The following GRTP1 variants were observed in gnomAD, a reference collection of about 807,000 sequenced individuals.
GRTP1 encodes growth hormone regulated TBC protein 1, also known as growth hormone-regulated TBC protein 1.
A neutral mutation model predicts 38.1 loss-of-function variants in GRTP1; 56 were observed. The observed-to-expected ratio is 1.47, with a 90% confidence interval of 1.19 to 1.84. The LOEUF (loss-of-function observed/expected upper bound fraction) is 1.84, where lower values mean the gene tolerates loss of function less well. Ranked by LOEUF, GRTP1 falls within the 40% of genes most tolerant of loss-of-function variation. GRTP1 has a pLI of 0.00. For missense variants in GRTP1, 506 were observed against 453.9 expected (o/e 1.11, Z -1.04); for synonymous variants, 217 against 189.5 (o/e 1.14, Z -1.19).
chr13:113,325,046 T>C (rs772137108), intron 7 of GRTP1: 2 of 866,516 alleles, frequency 2.3e-6, no homozygotes, highest in Non-Finnish European at 2.8e-6. Flanking sequence ...GCCAGGCTGG[T>C]CTTGAACTCC....
rs1171694283 is a variant in GRTP1 at position 113,326,169 on chromosome 13, AAG to A, written c.563-80_563-79del. The A allele has an allele frequency of 6.4e-6, 10 of 1,554,206 alleles. No homozygotes were observed. The East Asian group carries it at 2.0e-4, about 32-fold the overall frequency. On this transcript the variant is annotated intron_variant, in intron 5 of 7. Coordinates refer to ENST00000375431, the MANE Select transcript of GRTP1 (RefSeq NM_024719.4). The stretch of plus-strand genomic sequence containing the variant: ...GCCCCATTCCCCTCAGAGCCAGACA[AAG>A]ACAACAGGGCCACCCTGGGAGGACC...
chr13:113,352,700 T>C (rs887434104), intron 3 of GRTP1, among the ~76,000 whole-genome samples: 10 of 152,200 alleles, frequency 6.6e-5, no homozygotes, highest in Non-Finnish European at 1.3e-4. Flanking sequence ...GATAACATCC[T>C]GTGGGAAAGG....
intron 4 of GRTP1, among the ~76,000 whole-genome samples, chr13:113,346,280 GGCTGAGCGGATCTGGGAGGA>G (rs2043130023): frequency 1.7e-5 from 1 of 58,126 alleles, no homozygotes; most frequent in Non-Finnish European, 3.2e-5. Context: ...GGACCTCTGT[GGCTGAGCGGATCTGGGAGGA>G]CCTCTGTGGC....
chr13:113,326,399 G>A (rs938865703), intron 5 of GRTP1, among the ~76,000 whole-genome samples: 4 of 137,204 alleles, frequency 2.9e-5, no homozygotes, highest in East Asian at 4.6e-4. Context: ...GGGCGGGAGC[G>A]TGGCTCACAC....
intron 3 of GRTP1, 156 bp from the exon 4 acceptor site, chr13:113,351,129 A>C: frequency 2.6e-6 from 1 of 380,244 alleles, no homozygotes; most frequent in Non-Finnish European, 3.6e-6. Flanking sequence ...CCAGAGCGAC[A>C]GGCTCACTGG....
Position 113,355,375 on chromosome 13 carries a change from G to C in GRTP1, c.288C>G (p.His96Gln). The C allele has an allele frequency of 6.2e-7, 1 of 1,614,144 alleles. No homozygotes were observed. The highest frequency in any genetic ancestry group is 1.1e-5 in the South Asian group (1 of 91,086). The change falls in exon 3 of 8, where the codon CAC becomes CAG. Residue 96 changes from histidine to glutamine, a missense_variant. Transcript: ENST00000375431. ...AQMDQNPGYY[H>Q]QLLQGERNPR... The stretch of plus-strand genomic sequence containing the variant: ...GGTTTCTCTCTCCCTGGAGAAGCTG[G>C]TGGTAGTAGCCGGGATTCTGGTCCA...
intron 5 of GRTP1, among the ~76,000 whole-genome samples, chr13:113,327,092 T>C (rs571396429): frequency 4.6e-5 from 7 of 152,378 alleles, no homozygotes; most frequent in African/African-American, 1.7e-4. Context: ...TCCAACAGCT[T>C]GCCCTTCTTT....
chr13:113,347,867 C>T (rs1009953429), intron 4 of GRTP1, among the ~76,000 whole-genome samples: 31 of 143,124 alleles, frequency 2.2e-4, no homozygotes, highest in Non-Finnish European at 3.4e-4. Flanking sequence ...AGAACAGATC[C>T]GGGAGGACCT....
intron 7 of GRTP1, chr13:113,325,097 T>C: frequency 3.0e-6 from 3 of 1,008,888 alleles, no homozygotes; most frequent in Non-Finnish European, 2.4e-6. Flanking sequence ...CCCAAAGTGC[T>C]GGGACTGCAG....
At chr13:113,338,053 G>A (rs781311548) in intron 5 of GRTP1, among the ~76,000 whole-genome samples, 1 of 152,208 alleles carries the variant, frequency 6.6e-6, no homozygotes, top group Non-Finnish European at 1.5e-5. Context: ...CGCTAATTCA[G>A]GGCTGCACCG....
intron 2 of GRTP1, among the ~76,000 whole-genome samples, chr13:113,362,565 G>T (rs1485759148): frequency 6.6e-6 from 1 of 152,168 alleles, no homozygotes; most frequent in African/African-American, 2.4e-5. Flanking sequence ...GAGCCCAGGA[G>T]GTCAAGGCTA....
At position 113,325,986 on chromosome 13, in the gene GRTP1, C is replaced by G; in HGVS notation, c.668G>C (p.Gly223Ala). The G allele has an allele frequency of 6.2e-7, 1 of 1,613,936 alleles. No homozygotes were observed. The highest frequency in any genetic ancestry group is 8.5e-7 in the Non-Finnish European group (1 of 1,179,960). The change falls in exon 6 of 8, where the codon GGT (glycine) becomes GCT (alanine). Residue 223 changes from glycine (G) to alanine (A), a missense_variant. Physicochemically the swap from Gly to Ala is moderately conservative, Grantham distance 60. Coordinates refer to ENST00000375431, the MANE Select transcript of GRTP1 (RefSeq NM_024719.4). The stretch of plus-strand genomic sequence containing the variant: ...GGACACCAGCAGCGTCCACAGCACA[C>G]CGAGACGCTCCATCAGGGCCCCCAC... ...PAVGALMERL[G>A]VLWTLLVSRW...
At chr13:113,326,789 T>C (rs1253993005) in intron 5 of GRTP1, among the ~76,000 whole-genome samples, 1 of 152,148 alleles carries the variant, frequency 6.6e-6, no homozygotes, top group Non-Finnish European at 1.5e-5. Flanking sequence ...AACCCACGTG[T>C]CCGTCGGCAG....
At chr13:113,335,610 C>T (rs1475847188) in intron 5 of GRTP1, among the ~76,000 whole-genome samples, 2 of 152,004 alleles carry the variant, frequency 1.3e-5, no homozygotes, top group African/African-American at 4.8e-5. Flanking sequence ...CATTAACGAG[C>T]CTCTCTATCC....
intron 2 of GRTP1, among the ~76,000 whole-genome samples, chr13:113,362,026 G>A (rs960253395): frequency 2.0e-5 from 3 of 152,158 alleles, no homozygotes; most frequent in East Asian, 1.9e-4. Context: ...GTAGGTGCCT[G>A]TAATCCCAGC....
intron 5 of GRTP1, among the ~76,000 whole-genome samples, chr13:113,326,973 C>T (rs573271936): frequency 2.0e-5 from 3 of 152,288 alleles, no homozygotes; most frequent in Admixed American, 6.5e-5. Context: ...GAGAGGTAAG[C>T]GGCCCTTGTG....
chr13:113,325,510 G>C, intron 7 of GRTP1, 151 bp downstream of exon 7: 1 of 1,500,380 alleles, frequency 6.7e-7, no homozygotes, highest in Non-Finnish European at 8.9e-7. Flanking sequence ...GGCGCAGGGG[G>C]CAGATGCAGG....
intron 2 of GRTP1, among the ~76,000 whole-genome samples, chr13:113,362,189 G>C (rs901963674): frequency 7.3e-6 from 1 of 136,828 alleles, no homozygotes. Context: ...AATTAGCCAG[G>C]TGTAGTGGTG....
intron 3 of GRTP1, among the ~76,000 whole-genome samples, chr13:113,352,362 A>ATATATATATATATATATTTATATATATTT (rs2043301151): frequency 5.0e-5 from 4 of 80,804 alleles, no homozygotes; most frequent in Admixed American, 3.6e-4. Context: ...TATATATTTT[A>ATATATATATATATATATTTATATATATTT]TATATATATA....
Sources: allele counts gnomAD v4.1 joint callset (sites outside exome capture counted in the v4.1 genomes callset), GRCh38; gene constraint gnomAD v4.1.1; transcripts MANE v1.5; gene names NCBI Gene and HGNC (gene_info 2026-07-23, HGNC 2026-07-21).